Variants in FBXO34 observed in about 807,000 individuals in gnomAD.
FBXO34 encodes the protein F-box only protein 34.
A neutral mutation model predicts 24.5 loss-of-function variants in FBXO34; 12 were observed. That is an observed-to-expected ratio of 0.49 (90% CI 0.31 to 0.79). The LOEUF (loss-of-function observed/expected upper bound fraction) is 0.79, where lower values mean the gene tolerates loss of function less well. FBXO34 is among the 30% of genes least tolerant of loss of function. The probability of loss-of-function intolerance (pLI) is 0.04; values close to 1 mark genes in which losing one functional copy is unlikely to be tolerated. For synonymous variants in FBXO34, 320 were observed against 311.9 expected, an observed-to-expected ratio of 1.03 and a Z score of -0.27; for missense variants, 823 against 857.7, an observed-to-expected ratio of 0.96 and a Z score of 0.51.
chr14:55,438,274 C>T, the FBXO34 span, among the ~76,000 whole-genome samples: 11 of 152,314 alleles, frequency 7.2e-5, no homozygotes, highest in East Asian at 1.9e-3. Context: ...ACAAGTCCAG[C>T]AGGTGGCAGG....
the FBXO34 span, chr14:55,433,648 A>T: frequency 6.2e-7 from 1 of 1,613,918 alleles, no homozygotes; most frequent in Non-Finnish European, 8.5e-7. Context: ...TCCCGTGCAG[A>T]CCATCTTCCC....
At chr14:55,402,082 GA>G in the FBXO34 span, among the ~76,000 whole-genome samples, 2,434 of 152,216 alleles carry the variant, frequency 0.016, 72 homozygotes, top group African/African-American at 0.054. Context: ...TATATTACCA[GA>G]AAAACAACAC....
the FBXO34 span, among the ~76,000 whole-genome samples, chr14:55,412,278 T>C: frequency 6.6e-6 from 1 of 152,366 alleles, no homozygotes; most frequent in African/African-American, 2.4e-5. Context: ...ACCTGCTTAA[T>C]AGCTGTGTGA....
At chr14:55,327,908 GTTTTTTTTTTTTTTTTTTTTTTT>G (rs386381425) in intron 1 of FBXO34, among the ~76,000 whole-genome samples, 16 of 48,734 alleles carry the variant, frequency 3.3e-4, no homozygotes, top group Admixed American at 2.8e-3. Context: ...GTTGTTGTTG[GTTTTTTTTTTTTTTTTTTTTTTT>G]TTTTTTTTTT....
chr14:55,296,088 A>AGACC (rs1049198312), intron 1 of FBXO34, among the ~76,000 whole-genome samples: 1 of 152,182 alleles, frequency 6.6e-6, no homozygotes, highest in Non-Finnish European at 1.5e-5. Flanking sequence ...CTGTAGTTGA[A>AGACC]GACCAGCCTT....
At chr14:55,406,528 C>T in the FBXO34 span, among the ~76,000 whole-genome samples, 1 of 152,224 alleles carries the variant, frequency 6.6e-6, no homozygotes, top group Non-Finnish European at 1.5e-5. Flanking sequence ...GGCCTATTGA[C>T]AGTCGGTAAA....
At chr14:55,420,157 G>A in the FBXO34 span, among the ~76,000 whole-genome samples, 10 of 152,102 alleles carry the variant, frequency 6.6e-5, no homozygotes, top group African/African-American at 2.2e-4. Context: ...TGCAACTTCC[G>A]CCTCCCAGGT....
Position 55,351,770 on chromosome 14 carries a change from G to A in FBXO34, c.1380G>A (p.Val460=). The part of the protein sequence containing the change: ...RKESLCISIT[V]SKVDKDQPSI... ...AATCTTTGTGCATTAGTATCACTGTGTCCAAGGTAGACAAAGACCAGCCTT... is the reference window on the plus strand; with the variant it reads ...AATCTTTGTGCATTAGTATCACTGTATCCAAGGTAGACAAAGACCAGCCTT... The change falls in exon 2 of 2, where the codon GTG becomes GTA. Residue 460 remains valine (V), a synonymous_variant. Transcript: ENST00000313833. 1 of 1,614,200 alleles carries A rather than the reference G, an allele frequency of 6.2e-7. No homozygotes were observed. Among genetic ancestry groups the A allele is most frequent in the Non-Finnish European group, 8.5e-7 (1 of 1,180,052 alleles).
the FBXO34 span, chr14:55,414,357 T>C: frequency 1.3e-6 from 2 of 1,555,478 alleles, no homozygotes; most frequent in Non-Finnish European, 1.8e-6. Context: ...ACCAGAATAA[T>C]GTGAGATGCT....
At chr14:55,380,536 C>A in the FBXO34 span, 1 of 1,314,046 alleles carries the variant, frequency 7.6e-7, no homozygotes, top group Non-Finnish European at 1.1e-6. Context: ...TTGAAAGAGC[C>A]ATGATAAAGA....
chr14:55,357,760 A>T (rs577141585), downstream of FBXO34, among the ~76,000 whole-genome samples: 9 of 152,248 alleles, frequency 5.9e-5, no homozygotes, highest in Non-Finnish European at 1.5e-5. Context: ...GCAGTGAGCC[A>T]TGATTGCATC....
chr14:55,273,906 A>G (rs1881248092), intron 1 of FBXO34, among the ~76,000 whole-genome samples: 1 of 152,126 alleles, frequency 6.6e-6, no homozygotes, highest in Non-Finnish European at 1.5e-5. Flanking sequence ...CCCGGGTTCA[A>G]GCGATTCTCC....
chr14:55,388,893 C>T, the FBXO34 span, among the ~76,000 whole-genome samples: 1 of 152,126 alleles, frequency 6.6e-6, no homozygotes, highest in African/African-American at 2.4e-5. Flanking sequence ...CATCTGTAAA[C>T]TGTTAACCAG....
At chr14:55,307,308 C>G (rs965015795) in intron 1 of FBXO34, among the ~76,000 whole-genome samples, 4 of 152,190 alleles carry the variant, frequency 2.6e-5, no homozygotes, top group African/African-American at 4.8e-5. Context: ...TTCTAGTCAA[C>G]TAAAATGTGT....
chr14:55,436,749 C>T, the FBXO34 span: 2 of 1,614,198 alleles, frequency 1.2e-6, no homozygotes, highest in East Asian at 4.5e-5. Context: ...GCCCAACGTC[C>T]TGTTCGCTGG....
At chr14:55,420,758 C>A in the FBXO34 span, among the ~76,000 whole-genome samples, 1 of 152,012 alleles carries the variant, frequency 6.6e-6, no homozygotes, top group South Asian at 2.1e-4. Flanking sequence ...TAAATGAAAG[C>A]TTTTTAAAAG....
chr14:55,441,604 C>A, the FBXO34 span, among the ~76,000 whole-genome samples: 1 of 152,170 alleles, frequency 6.6e-6, no homozygotes, highest in African/African-American at 2.4e-5. Context: ...AAGCCACATA[C>A]AAAACAGTGT....
chr14:55,306,982 A>G (rs1882570728), intron 1 of FBXO34, among the ~76,000 whole-genome samples: 1 of 152,220 alleles, frequency 6.6e-6, no homozygotes, highest in Non-Finnish European at 1.5e-5. Flanking sequence ...ATTTTTTCCT[A>G]TATCCTATTA....
At chr14:55,390,071 CCTTAA>C in the FBXO34 span, among the ~76,000 whole-genome samples, 9 of 152,172 alleles carry the variant, frequency 5.9e-5, no homozygotes, top group Admixed American at 5.9e-4. Context: ...AACATACATT[CCTTAA>C]CTTTTTTTTT....
Sources: allele counts gnomAD v4.1 joint callset (sites outside exome capture counted in the v4.1 genomes callset), GRCh38; gene constraint gnomAD v4.1.1; transcripts MANE v1.5; gene names NCBI Gene and HGNC (gene_info 2026-07-23, HGNC 2026-07-21).